COL23A1: variants seen among roughly 807,000 people sequenced by gnomAD.
COL23A1 encodes collagen alpha-1(XXIII) chain.
In COL23A1, 97 loss-of-function variants were observed where a neutral mutation model predicts 99.3. That is an observed-to-expected ratio of 0.98 (90% confidence interval 0.83 to 1.16). The LOEUF is 1.16. COL23A1 is among the 50% of genes most tolerant of loss of function. The probability of loss-of-function intolerance (pLI) is 0.00; values close to 1 mark genes in which losing one functional copy is unlikely to be tolerated. For synonymous variants in COL23A1, 320 were observed against 308.2 expected (o/e 1.04, Z -0.40); for missense variants, 762 against 757.4 (o/e 1.01, Z -0.07).
intron 2 of COL23A1, among the ~76,000 whole-genome samples, chr5:178,369,637 T>G (rs1334305444): frequency 6.6e-6 from 1 of 152,060 alleles, no homozygotes; most frequent in African/African-American, 2.4e-5. Context: ...TCCTGAGATC[T>G]GATGGTTTTA....
At chr5:178,257,695 T>C in intron 12 of COL23A1, 128 bp from the exon 13 acceptor site, 1 of 935,364 alleles carries the variant, frequency 1.1e-6, no homozygotes, top group Middle Eastern at 3.0e-4. Flanking sequence ...ACCAGGCAGC[T>C]CCTCCCCACC....
intron 2 of COL23A1, among the ~76,000 whole-genome samples, chr5:178,335,217 AC>A (rs769230748): frequency 5.3e-5 from 8 of 152,258 alleles, no homozygotes; most frequent in Non-Finnish European, 1.2e-4. Flanking sequence ...CAGGAATGCT[AC>A]ATTTTAAACC....
Position 178,306,993 on chromosome 5 carries a change from C to A in COL23A1, c.362-74G>T, listed in dbSNP as rs1214128874. On this transcript the variant is annotated intron_variant, in intron 2 of 28. Transcript: ENST00000390654. This position sits in a 1 kb window ranked among gnomAD's most constrained non-coding sequence, Gnocchi z 4.1. ...CTTGGCTGCGTGGGGCATGCCCCAG[C>A]CACCCACCTGTCCGCTCGCAACAGC... The A allele has an allele frequency of 1.8e-6, 2 of 1,135,358 alleles. No homozygotes were observed. Among genetic ancestry groups the A allele is most frequent in the Non-Finnish European group, 2.4e-6 (2 of 837,058 alleles). 70.3% of individuals were successfully genotyped at this position (1,135,358 alleles called of 1,614,324 possible).
In COL23A1 at chr5:178,549,005, T is replaced by C. The variant is rs180725784; in HGVS notation, c.361+11677A>G. Among the ~76,000 whole-genome samples, 601 of 151,368 alleles carry C rather than the reference T, an allele frequency of 4.0e-3. 7 individuals are homozygous for C. The highest frequency in any genetic ancestry group is 0.014 in the African/African-American group (562 of 41,362). ...CTGCAAGCATCCATACAAATACTTC[T>C]TTTTTTTTGAGATGGAGTCTCGCTC... On this transcript the variant is annotated intron_variant, in intron 2 of 28. Coordinates refer to ENST00000390654, the MANE Select transcript of COL23A1 (RefSeq NM_173465.4).
At chr5:178,380,742 C>G (rs184270822) in intron 2 of COL23A1, among the ~76,000 whole-genome samples, 2,902 of 152,186 alleles carry the variant, frequency 0.019, 98 homozygotes, top group African/African-American at 0.066. Flanking sequence ...GGGCCAATGT[C>G]GGGACCAGCC....
At chr5:178,261,652 G>A (rs1581474976) in intron 11 of COL23A1, 70 bp downstream of exon 11, 15 of 1,070,732 alleles carry the variant, frequency 1.4e-5, no homozygotes, top group South Asian at 1.0e-4. Context: ...GAGACAGGAA[G>A]TGGAGGTGGT....
chr5:178,296,993 G>A (rs1206503702), intron 3 of COL23A1, among the ~76,000 whole-genome samples: 4 of 152,190 alleles, frequency 2.6e-5, no homozygotes, highest in African/African-American at 7.2e-5. Context: ...GGCTTCCCAC[G>A]GCACACGGAA....
intron 2 of COL23A1, among the ~76,000 whole-genome samples, chr5:178,504,819 C>T (rs780342128): frequency 6.6e-6 from 1 of 152,166 alleles, no homozygotes; most frequent in Non-Finnish European, 1.5e-5. Flanking sequence ...GGAATGGCCC[C>T]GTGTTGGCAG....
rs1465292209 is a variant in COL23A1, at chr5:178,252,563, G to C, written c.995C>G (p.Pro332Arg). The change falls in exon 17 of 29, where the codon CCA (proline) becomes CGA (arginine). Residue 332 changes from proline (P) to arginine (R), a missense_variant. Coordinates refer to ENST00000390654, the MANE Select transcript of COL23A1 (RefSeq NM_173465.4). ...PPGPQGPPGP[P>R]GIPGAKGELG... is the part of the protein sequence containing the mutation. ...ACTGACCTTGGCTCCAGGGATCCCT[G>C]GTGGCCCTGGGGGCCCCTGTGGTCC... 6.2e-7 allele frequency: 1 copy of C among 1,611,932 alleles called. No homozygotes were observed.
chr5:178,262,142 T>G, intron 10 of COL23A1, 75 bp downstream of exon 10: 4 of 1,454,572 alleles, frequency 2.7e-6, no homozygotes, highest in Admixed American at 2.0e-5. Context: ...TGTCGGCGTG[T>G]GTGGGAAAGG....
chr5:178,402,105 C>T (rs552236552), intron 2 of COL23A1, among the ~76,000 whole-genome samples: 8 of 152,264 alleles, frequency 5.3e-5, no homozygotes, highest in South Asian at 2.1e-4. Context: ...TGTGAGCCAC[C>T]GCGCCCAGCT....
chr5:178,325,291 T>C (rs965480350), intron 2 of COL23A1, among the ~76,000 whole-genome samples: 1 of 152,180 alleles, frequency 6.6e-6, no homozygotes, highest in Non-Finnish European at 1.5e-5. Flanking sequence ...CACTTCCCTT[T>C]AAAGGCATCC....
rs200786621 is a variant in COL23A1, at chr5:178,246,295, G to A, written c.1372C>T (p.Pro458Ser). ...CCTGGCAGCCCAATAAGGCCCGGTG[G>A]GCCAACTGGCCCCTGGATAGAAAAG... is the stretch of plus-strand genomic sequence containing the variant. ...GPSGLPGPVG[P>S]PGLIGLPGTK... Residue 458 changes from proline (P) to serine (S), a missense_variant, in exon 24 of 29, where the codon CCA becomes TCA. Coordinates refer to ENST00000390654, the MANE Select transcript of COL23A1 (RefSeq NM_173465.4). 1,412 of 1,555,730 alleles carry A rather than the reference G, an allele frequency of 9.1e-4. 3 individuals carry two copies. The highest frequency in any genetic ancestry group is 4.3e-3 in the Middle Eastern group (26 of 5,994).
At chr5:178,405,784 TAA>T (rs775235239) in intron 2 of COL23A1, among the ~76,000 whole-genome samples, 14 of 152,130 alleles carry the variant, frequency 9.2e-5, no homozygotes, top group Non-Finnish European at 1.6e-4. Flanking sequence ...AAGAATATAG[TAA>T]AGAGAATAGA....
chr5:178,574,708 C>T (rs262057), intron 1 of COL23A1, among the ~76,000 whole-genome samples: 15,839 of 152,204 alleles, frequency 0.1, 2,345 homozygotes, highest in African/African-American at 0.33. Context: ...TTGCGGCAAC[C>T]GGTTTGCAGT....
chr5:178,476,432 T>G (rs895187863), intron 2 of COL23A1, among the ~76,000 whole-genome samples: 7 of 152,246 alleles, frequency 4.6e-5, no homozygotes, highest in African/African-American at 1.7e-4. Context: ...TTTGGTTTTT[T>G]GGCTCCTTTG....
chr5:178,491,773 C>T (rs961736482), intron 2 of COL23A1, among the ~76,000 whole-genome samples: 13 of 152,070 alleles, frequency 8.5e-5, no homozygotes, highest in African/African-American at 3.1e-4. Flanking sequence ...CTCACTCTGT[C>T]ACCCAGGCTG....
At chr5:178,586,494 G>A (rs913479055) in intron 1 of COL23A1, among the ~76,000 whole-genome samples, 2 of 151,920 alleles carry the variant, frequency 1.3e-5, no homozygotes, top group East Asian at 1.9e-4. Flanking sequence ...TTTCAAAGCC[G>A]ATGTGGAAAA....
At chr5:178,353,829 G>T (rs1421367932) in intron 2 of COL23A1, among the ~76,000 whole-genome samples, 1 of 151,648 alleles carries the variant, frequency 6.6e-6, no homozygotes, top group East Asian at 1.9e-4. Context: ...GTCATTTAAC[G>T]CAGCCATTCA....
Sources: allele counts gnomAD v4.1 joint callset (sites outside exome capture counted in the v4.1 genomes callset), GRCh38; gene constraint gnomAD v4.1.1; non-coding constraint Gnocchi (gnomAD v3.1); transcripts MANE v1.5; gene names NCBI Gene and HGNC (gene_info 2026-07-23, HGNC 2026-07-21).